PDE10A: variants seen among roughly 807,000 people sequenced by gnomAD.
PDE10A encodes cAMP and cAMP-inhibited cGMP 3',5'-cyclic phosphodiesterase 10A.
A neutral mutation model predicts 97.7 loss-of-function variants in PDE10A; 39 were observed. The ratio of observed to expected loss-of-function variants is 0.40; its 90% CI spans 0.31 to 0.52. The LOEUF (loss-of-function observed/expected upper bound fraction) is 0.52, where lower values mean the gene tolerates loss of function less well. PDE10A is among the 20% of genes least tolerant of loss of function. The pLI, the probability that PDE10A is intolerant of heterozygous loss-of-function variation, is 0.56. For synonymous variants in PDE10A, 371 were observed against 376.8 expected (o/e 0.98, Z 0.18); for missense variants, 731 against 1,047.8 (o/e 0.70, Z 4.17).
chr6:165,820,275 AT>A (rs1286163973), intron 1 of PDE10A, among the ~76,000 whole-genome samples: 1 of 152,218 alleles, frequency 6.6e-6, no homozygotes, highest in Non-Finnish European at 1.5e-5. Context: ...GCTTATTCAT[AT>A]TTCAAAAATC....
At chr6:165,664,529 A>G (rs1054473901), upstream of PDE10A, among the ~76,000 whole-genome samples, 1 of 152,146 alleles carries the variant, frequency 6.6e-6, no homozygotes, top group Non-Finnish European at 1.5e-5. Context: ...ACTAGGTCAG[A>G]ATCCCTACAT....
At chr6:165,850,054 G>A (rs967360695) in intron 1 of PDE10A, among the ~76,000 whole-genome samples, 5 of 152,104 alleles carry the variant, frequency 3.3e-5, no homozygotes, top group Non-Finnish European at 5.9e-5. Flanking sequence ...TTAATCACAC[G>A]GAATCTTGAA....
chr6:165,652,219 C>A (rs1447353177), intron 1 of PDE10A, among the ~76,000 whole-genome samples: 1 of 152,168 alleles, frequency 6.6e-6, no homozygotes, highest in African/African-American at 2.4e-5. Flanking sequence ...GTAATTAGCA[C>A]ATCCAAGAAG....
At chr6:165,815,793 C>T (rs1342265588) in intron 1 of PDE10A, among the ~76,000 whole-genome samples, 1 of 151,990 alleles carries the variant, frequency 6.6e-6, no homozygotes, top group African/African-American at 2.4e-5. Context: ...TAGTTGCTTC[C>T]ACTAGCCCAT....
At chr6:165,499,096 A>C (rs2128293427) in intron 2 of PDE10A, among the ~76,000 whole-genome samples, 1 of 152,354 alleles carries the variant, frequency 6.6e-6, no homozygotes, top group East Asian at 1.9e-4. Context: ...CAGATAGGTA[A>C]AAATAATGAG....
chr6:165,357,526 G>A (rs1449861052), intron 18 of PDE10A, among the ~76,000 whole-genome samples: 2 of 151,342 alleles, frequency 1.3e-5, no homozygotes, highest in African/African-American at 4.8e-5. Context: ...TGGGTGGTTT[G>A]TTTGTTTGTT....
At chr6:165,832,563 C>T (rs149948317) in intron 1 of PDE10A, among the ~76,000 whole-genome samples, 1 of 152,318 alleles carries the variant, frequency 6.6e-6, no homozygotes, top group Non-Finnish European at 1.5e-5. Flanking sequence ...TCTCAGCCAA[C>T]CCCAGGAACC....
In PDE10A at chr6:165,388,417, G is replaced by C; in HGVS notation, c.2491C>G (p.Leu831Val). Residue 831 changes from leucine to valine, a missense_variant, in exon 17 of 22, where the codon CTG (leucine) becomes GTG (valine). By Grantham distance (32) the Leu-to-Val change is conservative (BLOSUM62 1). Transcript: ENST00000539869. The surrounding 1 kb of genome is among the most constrained non-coding windows in gnomAD (Gnocchi z 4.0). The stretch of plus-strand genomic sequence containing the variant: ...CTGTTACTGAAGCCCCTGTGGTCCA[G>C]GTCATGACACAGACACGCAATCAGC... ...GLLIACLCHD[L>V]DHRGFSNSYL... is the part of the protein sequence containing the mutation. The C allele has an allele frequency of 6.2e-7, 1 of 1,614,094 alleles. No individual in the cohort carries two copies. Among genetic ancestry groups the C allele is most frequent in the Non-Finnish European group, 8.5e-7 (1 of 1,179,984 alleles).
At chr6:165,533,677 A>G (rs567792160) in intron 2 of PDE10A, among the ~76,000 whole-genome samples, 1 of 152,324 alleles carries the variant, frequency 6.6e-6, no homozygotes, top group Non-Finnish European at 1.5e-5. Flanking sequence ...GTTTCTAGAA[A>G]TAATTATTCA....
intron 5 of PDE10A, among the ~76,000 whole-genome samples, chr6:165,447,028 C>T (rs961936200): frequency 9.2e-5 from 14 of 151,926 alleles, no homozygotes; most frequent in African/African-American, 1.4e-4. Flanking sequence ...GATAGAAAAG[C>T]GTTTTGCTGA....
At position 165,613,799 on chromosome 6, in the gene PDE10A, C is replaced by A. The variant is rs114636560; in HGVS notation, c.865+48148G>T. On this transcript the variant is annotated intron_variant, in intron 1 of 21. Coordinates refer to ENST00000539869, the MANE Select transcript of PDE10A (RefSeq NM_001385079.1). ...ACAACTATACTCCAGCCCTTATTTC[C>A]CTCTCCACCTTCAGACTCCAACATT... is the stretch of plus-strand genomic sequence containing the variant. Among the ~76,000 whole-genome samples, 1,474 of 152,198 alleles carry A rather than the reference C, an allele frequency of 9.7e-3. 30 individuals carry two copies. Among genetic ancestry groups the A allele is most frequent in the African/African-American group, 0.034 (1,412 of 41,522 alleles).
chr6:165,565,336 C>A (rs1305594692), intron 1 of PDE10A, among the ~76,000 whole-genome samples: 1 of 151,986 alleles, frequency 6.6e-6, no homozygotes, highest in Non-Finnish European at 1.5e-5. Flanking sequence ...ATTAAAGGCA[C>A]AATATCATTT....
chr6:165,496,487 T>C (rs942431965), intron 2 of PDE10A, among the ~76,000 whole-genome samples: 10 of 152,210 alleles, frequency 6.6e-5, no homozygotes, highest in African/African-American at 2.4e-4. Context: ...TTTAGGATAA[T>C]GTTAGGATTA....
At chr6:165,855,162 G>A (rs1337960042) in intron 1 of PDE10A, among the ~76,000 whole-genome samples, 1 of 152,058 alleles carries the variant, frequency 6.6e-6, no homozygotes, top group African/African-American at 2.4e-5. Context: ...CCTTTCCCGC[G>A]GGGCCCACAG....
intron 1 of PDE10A, among the ~76,000 whole-genome samples, chr6:165,631,681 A>C (rs3008037): frequency 6.6e-6 from 1 of 151,894 alleles, no homozygotes; most frequent in Non-Finnish European, 1.5e-5. Context: ...TCATTATACG[A>C]ATAAATCAGA....
intron 1 of PDE10A, among the ~76,000 whole-genome samples, chr6:165,932,958 G>A (rs891234983): frequency 6.6e-6 from 1 of 152,208 alleles, no homozygotes; most frequent in Non-Finnish European, 1.5e-5. Context: ...GGACCAAAGA[G>A]GAGGGAGAGA....
intron 1 of PDE10A, among the ~76,000 whole-genome samples, chr6:165,735,416 A>G (rs73030226): frequency 0.059 from 8,975 of 151,970 alleles, 484 homozygotes; most frequent in Admixed American, 0.17. Context: ...GTACATAGGT[A>G]GATAGGTAGG....
chr6:165,603,879 T>C (rs544576002), intron 1 of PDE10A, among the ~76,000 whole-genome samples: 7 of 152,332 alleles, frequency 4.6e-5, no homozygotes, highest in African/African-American at 1.4e-4. Flanking sequence ...AACAACTGAA[T>C]ACCCACCCTC....
At chr6:165,716,711 A>G (rs754183532) in intron 1 of PDE10A, among the ~76,000 whole-genome samples, 1 of 152,230 alleles carries the variant, frequency 6.6e-6, no homozygotes, top group Non-Finnish European at 1.5e-5. Flanking sequence ...GAATTCTGTT[A>G]TGAAGAAAAG....
Sources: allele counts gnomAD v4.1 joint callset (sites outside exome capture counted in the v4.1 genomes callset), GRCh38; gene constraint gnomAD v4.1.1; non-coding constraint Gnocchi (gnomAD v3.1); transcripts MANE v1.5; gene names NCBI Gene and HGNC (gene_info 2026-07-23, HGNC 2026-07-21).